The following CDK14 variants were observed in gnomAD, a reference collection of about 807,000 sequenced individuals.
The protein encoded by CDK14 is cyclin-dependent kinase 14.
In CDK14, 34 loss-of-function variants were observed where a neutral mutation model predicts 60.7. The ratio of observed to expected loss-of-function variants is 0.56; its 90% CI spans 0.43 to 0.75. The LOEUF is 0.75. Ranked by LOEUF, CDK14 falls within the 30% of genes least tolerant of loss-of-function variation. The pLI is 0.00. For synonymous variants in CDK14, 197 were observed against 203.7 expected (o/e 0.97, Z 0.28); for missense variants, 482 against 564.1 (o/e 0.85, Z 1.47).
Position 91,032,066 on chromosome 7 carries a change from A to T in CDK14, c.1042-13831A>T, listed in dbSNP as rs150369351. 2.0e-5 allele frequency among the ~76,000 whole-genome samples: 3 copies of T among 152,198 alleles called. 1 individual carries two copies. The highest frequency in any genetic ancestry group is 1.3e-4 in the Admixed American group (2 of 15,290). On this transcript the variant is annotated intron_variant, in intron 10 of 14. Coordinates refer to ENST00000380050, the MANE Select transcript of CDK14 (RefSeq NM_001287135.2). The stretch of plus-strand genomic sequence containing the variant: ...ACAGCAGGGGGAAGGGCACCTCATA[A>T]AGGGTCATACATCCAGGTTGCATCC...
intron 14 of CDK14, among the ~76,000 whole-genome samples, chr7:91,183,582 C>A (rs1398620468): frequency 1.3e-5 from 2 of 152,228 alleles, no homozygotes; most frequent in Non-Finnish European, 2.9e-5. Context: ...ACAACAAACA[C>A]TTACTGAATG....
intron 10 of CDK14, among the ~76,000 whole-genome samples, chr7:91,043,589 G>T (rs34435827): frequency 0.13 from 20,368 of 152,166 alleles, 1,483 homozygotes; most frequent in Middle Eastern, 0.17. Context: ...TATCATAATC[G>T]TTTATGTCAG....
chr7:90,790,209 A>G (rs1805772318), intron 4 of CDK14, among the ~76,000 whole-genome samples: 1 of 151,954 alleles, frequency 6.6e-6, no homozygotes. Flanking sequence ...AGGAACAAAG[A>G]GGGAGCTATT....
rs1179478250 is a variant in CDK14, at chr7:90,954,865, T to C, written c.827-832T>C. ...TGGTCTCGATCTCCTGACCTCGTGA[T>C]CCGCCCGCCTCGGCCTCCCAAAGTG... On this transcript the variant is annotated intron_variant, in intron 8 of 14. Coordinates refer to ENST00000380050, the MANE Select transcript of CDK14 (RefSeq NM_001287135.2). Among the ~76,000 whole-genome samples, 2 of 75,452 alleles carry C rather than the reference T, an allele frequency of 2.7e-5. 1 individual carries two copies. The highest frequency in any genetic ancestry group is 2.8e-4 in the Admixed American group (2 of 7,034). 49.5% of individuals were successfully genotyped at this position (75,452 alleles called of 152,430 possible).
intron 6 of CDK14, among the ~76,000 whole-genome samples, chr7:90,895,349 TCCTCTCCTCA>T (rs1792269527): frequency 1.1e-5 from 1 of 88,662 alleles, no homozygotes; most frequent in Non-Finnish European, 2.3e-5. Flanking sequence ...TCCTCTCCTC[TCCTCTCCTCA>T]CCTCTCCTCC....
chr7:90,812,347 C>G (rs1470750202), intron 5 of CDK14, among the ~76,000 whole-genome samples: 2 of 152,172 alleles, frequency 1.3e-5, no homozygotes, highest in Non-Finnish European at 2.9e-5. Flanking sequence ...AACCATCATT[C>G]TCAGCAAACT....
intron 4 of CDK14, among the ~76,000 whole-genome samples, chr7:90,755,548 C>T (rs1804020328): frequency 6.6e-6 from 1 of 152,126 alleles, no homozygotes. Context: ...ATTCATATCC[C>T]ATACCTCAGA....
intron 3 of CDK14, among the ~76,000 whole-genome samples, chr7:90,743,455 T>G (rs1331752685): frequency 6.6e-6 from 1 of 152,208 alleles, no homozygotes; most frequent in East Asian, 1.9e-4. Flanking sequence ...TGATTTTTTT[T>G]GGTGAATTTT....
At chr7:90,829,495 C>G (rs1053417280) in intron 5 of CDK14, among the ~76,000 whole-genome samples, 1 of 152,162 alleles carries the variant, frequency 6.6e-6, no homozygotes, top group Non-Finnish European at 1.5e-5. Context: ...CTAGGGGCTT[C>G]AGGCCCCATG....
chr7:90,669,747 A>T (rs1801060773), intron 2 of CDK14, among the ~76,000 whole-genome samples: 1 of 151,624 alleles, frequency 6.6e-6, no homozygotes, highest in South Asian at 2.1e-4. Flanking sequence ...TGTTATACAG[A>T]TCTAGTGGTT....
At chr7:90,658,898 C>T (rs932826364) in intron 2 of CDK14, among the ~76,000 whole-genome samples, 16 of 151,988 alleles carry the variant, frequency 1.1e-4, no homozygotes, top group African/African-American at 3.6e-4. Flanking sequence ...TTGATAAATG[C>T]GATTGGTTCT....
chr7:91,028,741 T>C (rs762445661), intron 10 of CDK14, among the ~76,000 whole-genome samples: 4 of 152,220 alleles, frequency 2.6e-5, no homozygotes, highest in Non-Finnish European at 4.4e-5. Context: ...GAGAAATGTC[T>C]ATTCATGTTG....
chr7:90,692,216 T>G (rs999195121), intron 2 of CDK14, among the ~76,000 whole-genome samples: 1 of 152,244 alleles, frequency 6.6e-6, no homozygotes, highest in African/African-American at 2.4e-5. Context: ...CATCGAATGC[T>G]TCTTTTTCTG....
intron 9 of CDK14, among the ~76,000 whole-genome samples, chr7:90,976,187 G>A (rs1178328695): frequency 6.6e-6 from 1 of 151,998 alleles, no homozygotes; most frequent in Admixed American, 6.6e-5. Context: ...GCCAGCATTT[G>A]TTATTTTTTA....
rs112416680 is a variant in CDK14 at position 91,167,570 on chromosome 7, C to G, written c.*29-39595C>G. On this transcript the variant is annotated intron_variant, in intron 14 of 14. Transcript: ENST00000380050. ...GCTCCAACGTGAGCCAGTCTCAGTG[C>G]GCATGTTGGAGTTATTTCCTGGGTG... is the stretch of plus-strand genomic sequence containing the variant. Among the ~76,000 whole-genome samples the G allele has an allele frequency of 4.8e-3, 732 of 152,256 alleles. 11 individuals are homozygous for G. The highest frequency in any genetic ancestry group is 0.017 in the African/African-American group (698 of 41,558).
intron 5 of CDK14, among the ~76,000 whole-genome samples, chr7:90,805,653 A>G (rs1788796925): frequency 6.6e-6 from 1 of 152,118 alleles, no homozygotes; most frequent in South Asian, 2.1e-4. Context: ...AAATAAAAAG[A>G]TGTACCTTGT....
intron 12 of CDK14, among the ~76,000 whole-genome samples, chr7:91,079,802 A>G (rs983227671): frequency 6.6e-6 from 1 of 152,236 alleles, no homozygotes; most frequent in African/African-American, 2.4e-5. Context: ...AAAATATAAT[A>G]TAATGACTGA....
chr7:90,796,986 A>G (rs1296865685), intron 5 of CDK14, among the ~76,000 whole-genome samples: 1 of 151,812 alleles, frequency 6.6e-6, no homozygotes. Context: ...AAAAAGTCAG[A>G]ATCAAAACCT....
intron 2 of CDK14, among the ~76,000 whole-genome samples, chr7:90,656,710 C>T (rs1800758495): frequency 6.6e-6 from 1 of 152,144 alleles, no homozygotes. Flanking sequence ...TCTAGAGCTT[C>T]TTGATCTGGT....
Sources: gnomAD v4.1 joint callset for allele counts (sites outside exome capture counted in the v4.1 genomes callset) on GRCh38, gnomAD v4.1.1 for gene constraint, MANE v1.5 for transcripts, NCBI Gene and HGNC (gene_info 2026-07-23, HGNC 2026-07-21) for gene names.